The following PAFAH2 variants were observed in gnomAD, a reference collection of about 807,000 sequenced individuals.
PAFAH2 encodes the protein platelet-activating factor acetylhydrolase 2, cytoplasmic.
In PAFAH2, 42 loss-of-function variants were observed where a neutral mutation model predicts 49.0. The ratio of observed to expected loss-of-function variants is 0.86; its 90% CI spans 0.67 to 1.11. PAFAH2 has a LOEUF of 1.11. Among genes scored for constraint, PAFAH2 ranks in the 50% least tolerant of loss-of-function variants. The pLI is 0.00. For synonymous variants in PAFAH2, 184 were observed against 181.3 expected (o/e 1.01, Z -0.12); for missense variants, 503 against 501.8 (o/e 1.00, Z -0.02).
chr1:25,994,249 C>G (rs2049911203), intron 1 of PAFAH2, among the ~76,000 whole-genome samples: 2 of 151,666 alleles, frequency 1.3e-5, no homozygotes, highest in African/African-American at 4.8e-5. Flanking sequence ...CCCACCTCAG[C>G]CTCCTGGGTG....
rs368554103 is a variant in PAFAH2, at chr1:25,972,579, C to T, written c.1063G>A (p.Ala355Thr). ...TTACCGAGGTGCTTCTGCAGGAAGG[C>T]CAACATGGCCCGTACCATAACCTCC... ...GQEVMVRAMLAFLQKHLDLKE... is the reference protein window; with the variant it reads ...GQEVMVRAMLTFLQKHLDLKE... The change falls in exon 10 of 11, where the codon GCC (alanine) becomes ACC (threonine). Residue 355 changes from alanine (A) to threonine (T), a missense_variant. Ala to Thr is a moderately conservative substitution (Grantham distance 58). Coordinates refer to ENST00000374282, the MANE Select transcript of PAFAH2 (RefSeq NM_000437.4). The T allele has an allele frequency of 1.2e-4, 198 of 1,613,658 alleles. No individual in the cohort carries two copies. Among genetic ancestry groups the T allele is most frequent in the Non-Finnish European group, 1.6e-4 (193 of 1,179,740 alleles).
Position 25,990,793 on chromosome 1 carries a change from G to A in PAFAH2, c.24C>T (p.Gly8=), listed in dbSNP as rs1177268501. ...GGTGGGGTCCTGTGACAGGTGGAAA[G>A]CCCACAGACTGGTTGACCCCCATTT... is the stretch of plus-strand genomic sequence containing the variant. MGVNQSV[G]FPPVTGPHLV... is the part of the protein sequence containing the mutation. Residue 8 remains glycine, a synonymous_variant, in exon 2 of 11, where the codon GGC becomes GGT. Coordinates refer to ENST00000374282, the MANE Select transcript of PAFAH2 (RefSeq NM_000437.4). 6.2e-7 allele frequency: 1 copy of A among 1,613,898 alleles called. No homozygotes were observed. The highest frequency in any genetic ancestry group is 2.2e-5 in the East Asian group (1 of 44,886).
chr1:25,991,562 G>A (rs1276331729), intron 1 of PAFAH2, among the ~76,000 whole-genome samples: 6 of 148,660 alleles, frequency 4.0e-5, no homozygotes, highest in East Asian at 4.2e-4. Context: ...GATTACAGGC[G>A]TGAGCCACCG....
intron 10 of PAFAH2, 77 bp downstream of exon 10, chr1:25,972,481 T>C (rs968073240): frequency 1.4e-6 from 2 of 1,448,434 alleles, no homozygotes; most frequent in Non-Finnish European, 1.9e-6. Context: ...ATCCCAGACA[T>C]GTCAGAGTTC....
rs771047096 is a variant in PAFAH2, at chr1:25,989,464, C to G, written c.228G>C (p.Leu76=). Residue 76 remains leucine (L), a synonymous_variant, in exon 3 of 11, where the codon CTG becomes CTC. Transcript: ENST00000374282. ...LQFNKRCGGL[L]FNLAVGSCRL... ...AGCCCTTACCCACCGCCAGGTTGAACAGCAAGCCCCCGCAGCGCTTATTAA... is the reference window on the plus strand; with the variant it reads ...AGCCCTTACCCACCGCCAGGTTGAAGAGCAAGCCCCCGCAGCGCTTATTAA... The G allele has an allele frequency of 1.3e-6, 2 of 1,599,712 alleles. No individual in the cohort carries two copies. Among genetic ancestry groups the G allele is most frequent in the African/African-American group, 1.3e-5 (1 of 74,436 alleles).
intron 1 of PAFAH2, 22 bp from the exon 2 acceptor site, chr1:25,990,885 A>G: frequency 7.9e-7 from 1 of 1,271,566 alleles, no homozygotes; most frequent in South Asian, 1.2e-5. Flanking sequence ...AACACAGAAC[A>G]GCAGCCGCTT....
intron 7 of PAFAH2, among the ~76,000 whole-genome samples, chr1:25,978,169 G>A (rs900382767): frequency 2.6e-5 from 4 of 151,770 alleles, no homozygotes; most frequent in East Asian, 1.9e-4. Flanking sequence ...CAGTACCCTC[G>A]GATCAGCATC....
intron 10 of PAFAH2, among the ~76,000 whole-genome samples, chr1:25,966,488 A>T (rs2049424937): frequency 6.6e-6 from 1 of 152,234 alleles, no homozygotes; most frequent in African/African-American, 2.4e-5. Flanking sequence ...CCATTATCCC[A>T]GGTGAAATAA....
At chr1:25,962,821 G>GA (rs112823048) in intron 10 of PAFAH2, among the ~76,000 whole-genome samples, 1,424 of 105,146 alleles carry the variant, frequency 0.014, 12 homozygotes, top group African/African-American at 0.02. Flanking sequence ...CCATGTCTCA[G>GA]AAAAAAAAAA....
intron 4 of PAFAH2, among the ~76,000 whole-genome samples, chr1:25,986,363 A>G (rs945388161): frequency 6.6e-6 from 1 of 152,210 alleles, no homozygotes; most frequent in African/African-American, 2.4e-5. Flanking sequence ...GCACAGATGA[A>G]GACAGCGAGG....
At chr1:25,995,907 T>C (rs962671425) in intron 1 of PAFAH2, among the ~76,000 whole-genome samples, 28 of 152,236 alleles carry the variant, frequency 1.8e-4, no homozygotes, top group Admixed American at 1.8e-3. Context: ...AAGTCTTCTT[T>C]AATCTTTGTT....
chr1:25,976,228 T>C (rs2049586952), intron 8 of PAFAH2, among the ~76,000 whole-genome samples: 1 of 152,170 alleles, frequency 6.6e-6, no homozygotes, highest in Non-Finnish European at 1.5e-5. Flanking sequence ...AACCTGGAAC[T>C]CCTGGGCTCA....
intron 10 of PAFAH2, among the ~76,000 whole-genome samples, chr1:25,968,211 CT>C (rs1003170710): frequency 1.3e-4 from 20 of 152,066 alleles, no homozygotes; most frequent in Non-Finnish European, 2.8e-4. Context: ...GGAAAAATCA[CT>C]GGCGCAATCA....
intron 7 of PAFAH2, among the ~76,000 whole-genome samples, chr1:25,977,274 CAGGCGTG>C (rs2049607800): frequency 6.6e-6 from 1 of 150,892 alleles, no homozygotes; most frequent in Non-Finnish European, 1.5e-5. Flanking sequence ...GCTGGGATTA[CAGGCGTG>C]AGCCACCGCG....
At chr1:25,991,816 C>T (rs969611126) in intron 1 of PAFAH2, among the ~76,000 whole-genome samples, 1 of 152,012 alleles carries the variant, frequency 6.6e-6, no homozygotes, top group Non-Finnish European at 1.5e-5. Context: ...TCGCTTGAAC[C>T]TGGGAGGCAG....
At position 25,961,890 on chromosome 1, in the gene PAFAH2, G is replaced by A; in HGVS notation, c.*99C>T. 2.7e-6 allele frequency: 2 copies of A among 743,478 alleles called. No homozygotes were observed. The highest frequency in any genetic ancestry group is 4.7e-6 in the Non-Finnish European group (2 of 426,390). The allele number at this position is 743,478 out of a possible 1,614,324, so 46.1% of individuals were successfully genotyped here. On this transcript the variant is annotated 3_prime_UTR_variant, in exon 11 of 11. Transcript: ENST00000374282. The stretch of plus-strand genomic sequence containing the variant: ...TTACACCTTTCAATCTGTGAAAAGG[G>A]GTCACGTTGATCACTTCTTGATAGG...
chr1:25,962,140 G>T, intron 10 of PAFAH2, 57 bp from the exon 11 acceptor site: 1 of 1,415,634 alleles, frequency 7.1e-7, no homozygotes, highest in Non-Finnish European at 1.0e-6. Flanking sequence ...TGGTCAAAGA[G>T]TAGCTGACAT....
In PAFAH2 at chr1:25,960,298, T is replaced by C. The variant is rs758382763; in HGVS notation, c.*1691A>G. On this transcript the variant is annotated 3_prime_UTR_variant, in exon 11 of 11. Transcript: ENST00000374282. ...CTCTGGTGGCCCTGACCATGGGCCA[T>C]TGTGTAGAGATGCATTTCCCTTTTG... 1 of 152,614 alleles carries C rather than the reference T, an allele frequency of 6.6e-6. No individual in the cohort carries two copies. The highest frequency in any genetic ancestry group is 1.5e-5 in the Non-Finnish European group (1 of 68,046). The allele number at this position is 152,614 out of a possible 1,614,324, so 9.5% of individuals were successfully genotyped here.
At position 25,960,240 on chromosome 1, in the gene PAFAH2, G is replaced by A. The variant is rs2049319590; in HGVS notation, c.*1749C>T. ...GCTGTTTCACCTCTTAGAATGGCCA[G>A]TCACTGACAGGTGGAGATCTAGGCC... On this transcript the variant is annotated 3_prime_UTR_variant, in exon 11 of 11. Coordinates refer to ENST00000374282, the MANE Select transcript of PAFAH2 (RefSeq NM_000437.4). 3 of 152,460 alleles carry A rather than the reference G, an allele frequency of 2.0e-5. No homozygotes were observed. The allele number at this position is 152,460 out of a possible 1,614,324, so 9.4% of individuals were successfully genotyped here.
Sources: gnomAD v4.1 joint callset for allele counts (sites outside exome capture counted in the v4.1 genomes callset) on GRCh38, gnomAD v4.1.1 for gene constraint, MANE v1.5 for transcripts, NCBI Gene and HGNC (gene_info 2026-07-23, HGNC 2026-07-21) for gene names.